CCSER1: variants seen among roughly 807,000 people sequenced by gnomAD.
CCSER1 encodes the protein coiled-coil serine rich protein 1.
CCSER1 carries 41 observed loss-of-function variants against 82.0 expected under a neutral mutation model. The observed-to-expected ratio is 0.50, with a 90% CI of 0.39 to 0.65. The LOEUF (loss-of-function observed/expected upper bound fraction) is 0.65. Ranked by LOEUF, CCSER1 falls within the 30% of genes least tolerant of loss-of-function variation. CCSER1 has a pLI of 0.00. For synonymous variants in CCSER1, 414 were observed against 383.9 expected (o/e 1.08, Z -0.92); for missense variants, 1,119 against 1,064.2 (o/e 1.05, Z -0.72).
chr4:91,436,632 G>A (rs1754667738), intron 10 of CCSER1, among the ~76,000 whole-genome samples: 2 of 152,120 alleles, frequency 1.3e-5, no homozygotes, highest in African/African-American at 2.4e-5. Context: ...GGAGGTAAAT[G>A]AGAAAATGAG....
intron 10 of CCSER1, among the ~76,000 whole-genome samples, chr4:91,398,333 G>A (rs1045334162): frequency 1.3e-5 from 2 of 151,758 alleles, no homozygotes; most frequent in Admixed American, 1.3e-4. Flanking sequence ...GGAGAGGAAG[G>A]ACTGAAAATG....
chr4:91,085,880 A>C, intron 9 of CCSER1, 70 bp from the exon 10 acceptor site: 1 of 861,246 alleles, frequency 1.2e-6, no homozygotes, highest in Non-Finnish European at 1.9e-6. Flanking sequence ...TTTCAAAATT[A>C]TTGCACTAAT....
chr4:91,019,743 C>A (rs1179346908), intron 9 of CCSER1, among the ~76,000 whole-genome samples: 3 of 152,086 alleles, frequency 2.0e-5, no homozygotes, highest in Non-Finnish European at 4.4e-5. Flanking sequence ...ACATGAAAAT[C>A]CCCCCTGAAA....
intron 10 of CCSER1, among the ~76,000 whole-genome samples, chr4:91,258,473 T>G (rs574806822): frequency 1.3e-5 from 2 of 152,190 alleles, no homozygotes; most frequent in East Asian, 3.9e-4. Context: ...AAAAATACAT[T>G]ATCAGATAAG....
At chr4:91,031,662 A>G (rs1382831539) in intron 9 of CCSER1, among the ~76,000 whole-genome samples, 1 of 152,072 alleles carries the variant, frequency 6.6e-6, no homozygotes, top group Non-Finnish European at 1.5e-5. Context: ...TCTCTTATGG[A>G]TAATTTCAGC....
At chr4:91,068,907 G>A (rs1013518134) in intron 9 of CCSER1, among the ~76,000 whole-genome samples, 2 of 152,022 alleles carry the variant, frequency 1.3e-5, no homozygotes, top group Non-Finnish European at 2.9e-5. Flanking sequence ...TTTTGGCCAG[G>A]CATGGTGGCT....
chr4:91,394,335 A>G (rs1394912198), intron 10 of CCSER1, among the ~76,000 whole-genome samples: 1 of 152,130 alleles, frequency 6.6e-6, no homozygotes, highest in Non-Finnish European at 1.5e-5. Flanking sequence ...ATATCTCAAT[A>G]TCATCATTAG....
chr4:90,460,472 A>G (rs1441791034), intron 4 of CCSER1, among the ~76,000 whole-genome samples: 1 of 152,092 alleles, frequency 6.6e-6, no homozygotes, highest in East Asian at 1.9e-4. Flanking sequence ...CGACAAAGTT[A>G]CCAGAATTTG....
At chr4:90,551,706 C>CTCTCTCTATATATA in intron 5 of CCSER1, among the ~76,000 whole-genome samples, 63 of 104,218 alleles carry the variant, frequency 6.0e-4, no homozygotes, top group Middle Eastern at 6.4e-3. Context: ...CTCTCTCTCT[C>CTCTCTCTATATATA]TATATATATA....
At chr4:90,636,751 TCTC>T (rs776683724) in intron 6 of CCSER1, among the ~76,000 whole-genome samples, 2 of 152,198 alleles carry the variant, frequency 1.3e-5, no homozygotes, top group Middle Eastern at 3.4e-3. Flanking sequence ...CACTGAAACT[TCTC>T]CTCCTAATAT....
At position 90,127,617 on chromosome 4, in the gene CCSER1, C is replaced by G. The variant is rs867486366; in HGVS notation, c.-256C>G. 6.5e-6 allele frequency: 1 copy of G among 152,710 alleles called. No individual in the cohort carries two copies. Among genetic ancestry groups the G allele is most frequent in the African/African-American group, 2.4e-5 (1 of 41,426 alleles). The allele number at this position is 152,710 out of a possible 1,614,324, so 9.5% of individuals were successfully genotyped here. ...CATGACTGACTGGGAAGCGGTGGCT[C>G]GGGCAGAGCAGCTCCGCTGGCGCAG... On this transcript the variant is annotated 5_prime_UTR_variant, in exon 1 of 11. Transcript: ENST00000509176.
At chr4:90,824,182 G>T (rs4321604) in intron 8 of CCSER1, among the ~76,000 whole-genome samples, 75,734 of 151,680 alleles carry the variant, frequency 0.5, 19,190 homozygotes, top group African/African-American at 0.58. Flanking sequence ...TCAACCTACT[G>T]TGTTCTCACT....
chr4:91,197,918 A>G (rs1735584741), intron 10 of CCSER1, among the ~76,000 whole-genome samples: 1 of 152,124 alleles, frequency 6.6e-6, no homozygotes, highest in Admixed American at 6.6e-5. Flanking sequence ...ATTGTTTTCC[A>G]TAGCACAATG....
intron 4 of CCSER1, among the ~76,000 whole-genome samples, chr4:90,402,873 T>A (rs1046974761): frequency 1.3e-4 from 20 of 152,208 alleles, no homozygotes; most frequent in African/African-American, 4.8e-4. Flanking sequence ...ATGAATCTCT[T>A]GAGTCTACTT....
chr4:90,428,000 G>A (rs1425284256), intron 4 of CCSER1, among the ~76,000 whole-genome samples: 2 of 151,738 alleles, frequency 1.3e-5, no homozygotes, highest in East Asian at 1.9e-4. Flanking sequence ...GACACATTTT[G>A]TAGATAATAT....
rs74680817 is a variant in CCSER1, at chr4:90,785,657, T to G, written c.2011-30105T>G. ...CATTTACCTTTATGAAATGTTAGTT[T>G]CTAAATAAATCTCAATCCAATGCCA... is the stretch of plus-strand genomic sequence containing the variant. On this transcript the variant is annotated intron_variant, in intron 7 of 10. Coordinates refer to ENST00000509176, the MANE Select transcript of CCSER1 (RefSeq NM_001145065.2). Among the ~76,000 whole-genome samples, 865 of 152,330 alleles carry G rather than the reference T, an allele frequency of 5.7e-3. 3 individuals are homozygous for G. Among genetic ancestry groups the G allele is most frequent in the Non-Finnish European group, 8.0e-3 (546 of 68,040 alleles).
At chr4:90,515,678 A>C (rs756878462) in intron 5 of CCSER1, among the ~76,000 whole-genome samples, 6 of 152,204 alleles carry the variant, frequency 3.9e-5, no homozygotes, top group Non-Finnish European at 7.3e-5. Flanking sequence ...TGTTCAAGTC[A>C]CATATCAAGT....
chr4:90,182,861 T>A (rs1733965742), intron 1 of CCSER1, among the ~76,000 whole-genome samples: 1 of 152,024 alleles, frequency 6.6e-6, no homozygotes, highest in South Asian at 2.1e-4. Context: ...AATGGTTTAA[T>A]AAAGGGTATT....
intron 10 of CCSER1, among the ~76,000 whole-genome samples, chr4:91,431,815 C>T (rs899237129): frequency 3.3e-5 from 5 of 152,078 alleles, no homozygotes; most frequent in Non-Finnish European, 7.4e-5. Context: ...TTGTCTAACA[C>T]CTTGTTATTT....
Sources: allele counts gnomAD v4.1 joint callset (sites outside exome capture counted in the v4.1 genomes callset), GRCh38; gene constraint gnomAD v4.1.1; transcripts MANE v1.5; gene names NCBI Gene and HGNC (gene_info 2026-07-23, HGNC 2026-07-21).